PTCHD4: variants seen among roughly 807,000 people sequenced by gnomAD.
PTCHD4 encodes patched domain-containing protein 4.
In PTCHD4, 33 loss-of-function variants were observed where a neutral mutation model predicts 58.1. That is an observed-to-expected ratio of 0.57 (90% CI 0.43 to 0.76). PTCHD4 has a LOEUF of 0.76. PTCHD4 is among the 30% of genes least tolerant of loss of function. The probability of loss-of-function intolerance (pLI) is 0.00; values close to 1 mark genes in which losing one functional copy is unlikely to be tolerated. For missense variants in PTCHD4, 1,058 were observed against 1,027.1 expected (o/e 1.03, Z -0.41); for synonymous variants, 478 against 409.6 (o/e 1.17, Z -2.02).
In PTCHD4 at chr6:48,020,770, A is replaced by G. The variant is rs567611201; in HGVS notation, c.418-11656T>C. Among the ~76,000 whole-genome samples, 9 of 152,230 alleles carry G rather than the reference A, an allele frequency of 5.9e-5. No individual in the cohort carries two copies. In the East Asian group the frequency reaches 1.4e-3, roughly 23 times the overall value. Reference sequence around the variant, plus strand: ...AGATACGTGCTGGGGCTGCAAAACTATACACATTACAGCATGATCTCCACT... The same window carrying G: ...AGATACGTGCTGGGGCTGCAAAACTGTACACATTACAGCATGATCTCCACT... On this transcript the variant is annotated intron_variant, in intron 3 of 4. Transcript: ENST00000339488.
intron 4 of PTCHD4, among the ~76,000 whole-genome samples, chr6:47,899,127 A>G (rs1259155473): frequency 2.0e-5 from 3 of 152,220 alleles, no homozygotes; most frequent in Non-Finnish European, 4.4e-5. Flanking sequence ...TCCAATAGCA[A>G]GTCTATAAAA....
chr6:48,024,477 C>A (rs540357332), intron 3 of PTCHD4, among the ~76,000 whole-genome samples: 84 of 152,178 alleles, frequency 5.5e-4, no homozygotes, highest in Non-Finnish European at 8.7e-4. Flanking sequence ...AAAGTTGGTT[C>A]AATTTTCCTT....
At chr6:47,919,893 G>T (rs1183188363) in intron 4 of PTCHD4, among the ~76,000 whole-genome samples, 6 of 152,248 alleles carry the variant, frequency 3.9e-5, no homozygotes, top group African/African-American at 1.4e-4. Context: ...CGGGTCATGT[G>T]ATTGACTTCT....
At chr6:48,017,313 A>T (rs1263065371) in intron 3 of PTCHD4, among the ~76,000 whole-genome samples, 2 of 152,314 alleles carry the variant, frequency 1.3e-5, no homozygotes, top group East Asian at 3.9e-4. Flanking sequence ...TTAAAAGAAG[A>T]ATCAAAAGTC....
chr6:47,964,802 T>A (rs1328433380), intron 4 of PTCHD4, among the ~76,000 whole-genome samples: 1 of 152,198 alleles, frequency 6.6e-6, no homozygotes, highest in Non-Finnish European at 1.5e-5. Flanking sequence ...TTGAGAGCTG[T>A]AATTACTTTG....
At chr6:47,950,060 G>A (rs138470445) in intron 4 of PTCHD4, among the ~76,000 whole-genome samples, 6,480 of 127,350 alleles carry the variant, frequency 0.051, 179 homozygotes, top group African/African-American at 0.071. Flanking sequence ...GCCCCGGAGT[G>A]TGACGTTCCC....
intron 1 of PTCHD4, among the ~76,000 whole-genome samples, chr6:48,079,941 T>G (rs1765130926): frequency 6.8e-6 from 1 of 147,026 alleles, no homozygotes; most frequent in South Asian, 2.2e-4. Flanking sequence ...GTTGCTCTTA[T>G]ACAATTCAAA....
intron 1 of PTCHD4, among the ~76,000 whole-genome samples, chr6:48,098,335 T>C (rs1236866793): frequency 6.7e-6 from 1 of 148,818 alleles, no homozygotes; most frequent in Non-Finnish European, 1.5e-5. Context: ...TTCTTCTTCT[T>C]CTTCTTCTTT....
chr6:48,068,279 A>G lies in PTCHD4; in HGVS notation c.368T>C (p.Leu123Pro). ...GGTCTGCAGGATCCCCTCAGCCTGG[A>G]GCAAAATATTGTCCCCGGTTGGGGA... ...LLSPTGDNILLQAEGILQTHR... is the reference protein window; with the variant it reads ...LLSPTGDNILPQAEGILQTHR... The change falls in exon 3 of 5, where the codon CTC becomes CCC. Residue 123 changes from leucine (L) to proline (P), a missense_variant. Transcript: ENST00000339488. This position sits in a 1 kb window ranked among gnomAD's most constrained non-coding sequence, Gnocchi z 4.2. The G allele has an allele frequency of 1.9e-6, 3 of 1,608,422 alleles. No individual in the cohort carries two copies. The highest frequency in any genetic ancestry group is 2.6e-6 in the Non-Finnish European group (3 of 1,175,848).
In PTCHD4 at chr6:48,068,220, T is replaced by C; in HGVS notation, c.417+10A>G. ...TGGGAAAAAGTATAATTATAGCCCTTGTGGTTCACCTTCATTTCCAGCACG... is the reference window on the plus strand; with the variant it reads ...TGGGAAAAAGTATAATTATAGCCCTCGTGGTTCACCTTCATTTCCAGCACG... On this transcript the variant is annotated intron_variant, in intron 3 of 4. Transcript: ENST00000339488. This position sits in a 1 kb window ranked among gnomAD's most constrained non-coding sequence, Gnocchi z 4.2. 3 of 1,551,530 alleles carry C rather than the reference T, an allele frequency of 1.9e-6. No homozygotes were observed. Among genetic ancestry groups the C allele is most frequent in the Non-Finnish European group, 2.6e-6 (3 of 1,148,354 alleles).
intron 4 of PTCHD4, among the ~76,000 whole-genome samples, chr6:47,916,195 G>A (rs994907709): frequency 2.0e-5 from 3 of 152,076 alleles, no homozygotes; most frequent in Admixed American, 2.0e-4. Flanking sequence ...TTCTCCTCTC[G>A]GTTCCTGTGG....
At chr6:48,066,508 G>T (rs556224987) in intron 3 of PTCHD4, among the ~76,000 whole-genome samples, 2 of 152,250 alleles carry the variant, frequency 1.3e-5, no homozygotes, top group East Asian at 3.9e-4. Context: ...TTTGGTATAG[G>T]AAATAACTCA....
chr6:48,013,372 T>C (rs1454184114), intron 3 of PTCHD4, among the ~76,000 whole-genome samples: 1 of 77,842 alleles, frequency 1.3e-5, no homozygotes, highest in Non-Finnish European at 2.6e-5. Flanking sequence ...GAATTTCAGT[T>C]GAGTTTTTTT....
In PTCHD4 at chr6:48,045,126, G is replaced by A. The variant is rs183956379; in HGVS notation, c.417+23104C>T. 7.0e-4 allele frequency among the ~76,000 whole-genome samples: 107 copies of A among 151,912 alleles called. 1 individual carries two copies. Among genetic ancestry groups the A allele is most frequent in the African/African-American group, 2.5e-3 (103 of 41,508 alleles). ...CATCCCTACATCAATCACAGGAGGAGAGGAAGATCCTCAAGATTTTACCCC... is the reference window on the plus strand; with the variant it reads ...CATCCCTACATCAATCACAGGAGGAAAGGAAGATCCTCAAGATTTTACCCC... On this transcript the variant is annotated intron_variant, in intron 3 of 4. Transcript: ENST00000339488.
intron 4 of PTCHD4, among the ~76,000 whole-genome samples, chr6:47,944,441 A>G (rs1468178248): frequency 1.3e-5 from 2 of 152,142 alleles, no homozygotes; most frequent in African/African-American, 4.8e-5. Context: ...AAAGAATAAG[A>G]TACAAAATAT....
At chr6:48,044,208 T>C (rs1048313004) in intron 3 of PTCHD4, among the ~76,000 whole-genome samples, 1 of 151,866 alleles carries the variant, frequency 6.6e-6, no homozygotes, top group Non-Finnish European at 1.5e-5. Context: ...GAATCTGACA[T>C]TTTCTACTCC....
In PTCHD4 at chr6:47,996,742, C is replaced by T. The variant is rs139643117; in HGVS notation, c.898+11892G>A. ...ATACTTTTAAGTGCATGAAGCTCCA[C>T]GCAAACATGAAAAGGTACAACTTTT... On this transcript the variant is annotated intron_variant, in intron 4 of 4. Coordinates refer to ENST00000339488, the MANE Select transcript of PTCHD4 (RefSeq NM_001384253.1). Among the ~76,000 whole-genome samples, 486 of 152,276 alleles carry T rather than the reference C, an allele frequency of 3.2e-3. 4 individuals carry two copies. Among genetic ancestry groups the T allele is most frequent in the African/African-American group, 9.6e-3 (398 of 41,546 alleles).
intron 3 of PTCHD4, among the ~76,000 whole-genome samples, chr6:48,043,088 A>G (rs1763902392): frequency 6.6e-6 from 1 of 151,944 alleles, no homozygotes; most frequent in Non-Finnish European, 1.5e-5. Flanking sequence ...AACAAACATT[A>G]GAGCTGGGAG....
In PTCHD4 at chr6:47,938,046, G is replaced by A. The variant is rs569252586; in HGVS notation, c.899-58110C>T. On this transcript the variant is annotated intron_variant, in intron 4 of 4. Transcript: ENST00000339488. ...CACGCACCTGTAGTCCCAGCTACTC[G>A]GCAGGCTGAGGCAGGAGAACTGCGT... 1.0e-3 allele frequency among the ~76,000 whole-genome samples: 152 copies of A among 152,146 alleles called. 1 individual carries two copies. The highest frequency in any genetic ancestry group is 1.1e-3 in the Non-Finnish European group (74 of 67,994).
Sources: allele counts gnomAD v4.1 joint callset (sites outside exome capture counted in the v4.1 genomes callset), GRCh38; gene constraint gnomAD v4.1.1; non-coding constraint Gnocchi (gnomAD v3.1); transcripts MANE v1.5; gene names NCBI Gene and HGNC (gene_info 2026-07-23, HGNC 2026-07-21).